The following ADAM12 variants were observed in gnomAD, a reference collection of about 807,000 sequenced individuals.
ADAM12 encodes disintegrin and metalloproteinase domain-containing protein 12.
In ADAM12, 70 loss-of-function variants were observed where a neutral mutation model predicts 106.4. The ratio of observed to expected loss-of-function variants is 0.66; its 90% CI spans 0.54 to 0.80. ADAM12 has a LOEUF of 0.80. Among genes scored for constraint, ADAM12 ranks in the 30% least tolerant of loss-of-function variants. The pLI is 0.00. For missense variants in ADAM12, 1,010 were observed against 1,171.9 expected (o/e 0.86, Z 2.02); for synonymous variants, 420 against 433.5 (o/e 0.97, Z 0.39).
In ADAM12 at chr10:126,109,825, G is replaced by C; in HGVS notation, c.619C>G (p.Leu207Val). The C allele has an allele frequency of 1.9e-6, 3 of 1,612,518 alleles. No homozygotes were observed. The highest frequency in any genetic ancestry group is 2.5e-6 in the Non-Finnish European group (3 of 1,179,532). ...TWARRHKRETLKATKYVELVI... is the reference protein window; with the variant it reads ...TWARRHKRETVKATKYVELVI... ...AGCTCCACATACTTAGTTGCCTTGAGGGTCTCTCTTTTATGCTGCCAAGAG... is the reference window on the plus strand; with the variant it reads ...AGCTCCACATACTTAGTTGCCTTGACGGTCTCTCTTTTATGCTGCCAAGAG... The change falls in exon 7 of 23, where the codon CTC becomes GTC. Residue 207 changes from leucine to valine, a missense_variant. By Grantham distance (32) the Leu-to-Val change is conservative (BLOSUM62 1). Coordinates refer to ENST00000448723, the MANE Select transcript of ADAM12 (RefSeq NM_001288973.2).
At chr10:126,096,367 T>C (rs3758420) in intron 10 of ADAM12, among the ~76,000 whole-genome samples, 31,618 of 152,246 alleles carry the variant, frequency 0.21, 3,964 homozygotes, top group South Asian at 0.32. Context: ...ATAAACAGTT[T>C]ACATTTGTAG....
chr10:126,215,497 A>G (rs1565144195), intron 3 of ADAM12, among the ~76,000 whole-genome samples: 1 of 152,180 alleles, frequency 6.6e-6, no homozygotes, highest in African/African-American at 2.4e-5. Flanking sequence ...AGAGTAATCA[A>G]GGGCTTAGGT....
intron 3 of ADAM12, among the ~76,000 whole-genome samples, chr10:126,177,100 T>C (rs1470343757): frequency 6.6e-6 from 1 of 152,146 alleles, no homozygotes; most frequent in African/African-American, 2.4e-5. Context: ...CTTGGTATTA[T>C]TCATTTATGG....
chr10:126,106,862 A>C (rs1955781205), intron 8 of ADAM12, among the ~76,000 whole-genome samples: 1 of 152,130 alleles, frequency 6.6e-6, no homozygotes. Context: ...CACTAACTGC[A>C]GGAATATTTT....
rs373789875 is a variant in ADAM12 at position 126,092,356 on chromosome 10, G to A, written c.1145+1629C>T. ...ACTCACTGTCTGAAAGTCACCCAGCGTGTGGCCCAGCATAGCGATCAGGGC... is the reference window on the plus strand; with the variant it reads ...ACTCACTGTCTGAAAGTCACCCAGCATGTGGCCCAGCATAGCGATCAGGGC... On this transcript the variant is annotated intron_variant, in intron 11 of 22. Coordinates refer to ENST00000448723, the MANE Select transcript of ADAM12 (RefSeq NM_001288973.2). Among the ~76,000 whole-genome samples, 92 of 152,266 alleles carry A rather than the reference G, an allele frequency of 6.0e-4. No homozygotes were observed. In the South Asian group the frequency reaches 0.012, roughly 19 times the overall value.
chr10:126,334,240 G>C (rs538740032), intron 1 of ADAM12, among the ~76,000 whole-genome samples: 1 of 151,998 alleles, frequency 6.6e-6, no homozygotes, highest in African/African-American at 2.4e-5. Flanking sequence ...TGAGAAACCC[G>C]GGGAAAAAAT....
intron 4 of ADAM12, among the ~76,000 whole-genome samples, chr10:126,154,252 T>C (rs1200487600): frequency 6.6e-6 from 1 of 152,224 alleles, no homozygotes; most frequent in Non-Finnish European, 1.5e-5. Context: ...TCTTGGGGAT[T>C]TTGCTGACTC....
intron 3 of ADAM12, among the ~76,000 whole-genome samples, chr10:126,264,594 C>T (rs1959062172): frequency 6.6e-6 from 1 of 152,170 alleles, no homozygotes; most frequent in African/African-American, 2.4e-5. Context: ...CAAACGCCCT[C>T]GTTTTGTTTT....
rs80348912 is a variant in ADAM12, at chr10:126,192,843, C to A, written c.261-37538G>T. Among the ~76,000 whole-genome samples, 329 of 152,368 alleles carry A rather than the reference C, an allele frequency of 2.2e-3. 8 individuals are homozygous for A. In the East Asian group the frequency reaches 0.05, roughly 23 times the overall value. ...TCCTCCTCAAATGGCCTTGACTGGT[C>A]TAGAGCTGCGGGTTTCTACCATGTA... On this transcript the variant is annotated intron_variant, in intron 3 of 22. Transcript: ENST00000448723.
In ADAM12 at chr10:126,039,320, A is replaced by G. The variant is rs374186953; in HGVS notation, c.2214T>C (p.Asn738=). 4 of 1,613,878 alleles carry G rather than the reference A, an allele frequency of 2.5e-6. No homozygotes were observed. In the African/African-American group the frequency reaches 5.3e-5, roughly 22 times the overall value. Residue 738 remains asparagine, a synonymous_variant, in exon 19 of 23, where the codon AAT becomes AAC. Coordinates refer to ENST00000448723, the MANE Select transcript of ADAM12 (RefSeq NM_001288973.2). ...TTAGTTTTTCAATGGTGGTCTTCTT[A>G]TTTGTAAACAGCAGTCGTATCAAGG... ...RKTLIRLLFT[N]KKTTIEKLRC...
chr10:126,235,840 C>T (rs2133637138), intron 3 of ADAM12, among the ~76,000 whole-genome samples: 1 of 152,232 alleles, frequency 6.6e-6, no homozygotes, highest in Admixed American at 6.5e-5. Flanking sequence ...GGCCTGGCAA[C>T]TGGCTGGGTA....
intron 10 of ADAM12, among the ~76,000 whole-genome samples, chr10:126,094,664 T>C (rs1001260420): frequency 1.3e-5 from 2 of 152,154 alleles, no homozygotes; most frequent in African/African-American, 4.8e-5. Context: ...AGTTGGAAAA[T>C]TCACAATACT....
At chr10:126,290,837 G>A (rs116172135) in intron 2 of ADAM12, among the ~76,000 whole-genome samples, 317 of 152,314 alleles carry the variant, frequency 2.1e-3, no homozygotes, top group Middle Eastern at 6.8e-3. Flanking sequence ...AGGCTCTTAC[G>A]TACTATGTGT....
chr10:126,356,111 A>C (rs1190310091), intron 1 of ADAM12, among the ~76,000 whole-genome samples: 1 of 152,228 alleles, frequency 6.6e-6, no homozygotes, highest in East Asian at 1.9e-4. Context: ...GGTTAGGCAA[A>C]GACGCAAACC....
chr10:126,351,383 A>G (rs1386368001), intron 1 of ADAM12, among the ~76,000 whole-genome samples: 1 of 152,166 alleles, frequency 6.6e-6, no homozygotes, highest in South Asian at 2.1e-4. Flanking sequence ...GGTGGTCACC[A>G]TCCTGCATGC....
intron 3 of ADAM12, among the ~76,000 whole-genome samples, chr10:126,200,485 C>T (rs535916453): frequency 6.4e-4 from 98 of 152,296 alleles, no homozygotes; most frequent in Non-Finnish European, 1.0e-3. Flanking sequence ...AGCACGACTC[C>T]TGTCTCCATC....
rs770376451 is a variant in ADAM12, at chr10:126,065,015, G to A, written c.1414-14C>T. 2 of 1,602,364 alleles carry A rather than the reference G, an allele frequency of 1.2e-6. No homozygotes were observed. On this transcript the variant is annotated splice_polypyrimidine_tract_variant and intron_variant, in intron 13 of 22. Coordinates refer to ENST00000448723, the MANE Select transcript of ADAM12 (RefSeq NM_001288973.2). Reference sequence around the variant, plus strand: ...TGCAGGCTTCAGCTGGAAGGAGAGGGCCATTTATGACACATGCACCCGGGG... The same window carrying A: ...TGCAGGCTTCAGCTGGAAGGAGAGGACCATTTATGACACATGCACCCGGGG...
intron 1 of ADAM12, among the ~76,000 whole-genome samples, chr10:126,368,085 G>GTA (rs1410720622): frequency 1.3e-5 from 2 of 151,808 alleles, no homozygotes; most frequent in Admixed American, 6.6e-5. Context: ...GTGTATGTGT[G>GTA]TATATATATA....
At chr10:126,279,768 G>C (rs891837138) in intron 2 of ADAM12, among the ~76,000 whole-genome samples, 1 of 151,946 alleles carries the variant, frequency 6.6e-6, no homozygotes, top group African/African-American at 2.4e-5. Context: ...AGTGGAGGGA[G>C]AGTTGGGTCA....
Sources: gnomAD v4.1 joint callset for allele counts (sites outside exome capture counted in the v4.1 genomes callset) on GRCh38, gnomAD v4.1.1 for gene constraint, MANE v1.5 for transcripts, NCBI Gene and HGNC (gene_info 2026-07-23, HGNC 2026-07-21) for gene names.